The following CFAP46 variants were observed in gnomAD, a reference collection of about 807,000 sequenced individuals.
CFAP46 encodes the protein cilia- and flagella-associated protein 46.
CFAP46 carries 245 observed loss-of-function variants against 325.7 expected under a neutral mutation model. The ratio of observed to expected loss-of-function variants is 0.75; its 90% CI spans 0.68 to 0.84. CFAP46 has a LOEUF of 0.84. CFAP46 is among the 40% of genes least tolerant of loss of function. The pLI is 0.00. For synonymous variants in CFAP46, 1,523 were observed against 1,495.9 expected (o/e 1.02, Z -0.42); for missense variants, 3,346 against 3,543.0 (o/e 0.94, Z 1.41).
intron 49 of CFAP46, among the ~76,000 whole-genome samples, chr10:132,833,769 C>T (rs1444500573): frequency 6.6e-6 from 1 of 152,202 alleles, no homozygotes; most frequent in Non-Finnish European, 1.5e-5. Flanking sequence ...GCTGACAATC[C>T]ACCCACGCGA....
At position 132,937,052 on chromosome 10, in the gene CFAP46, G is replaced by A. The variant is rs951388848; in HGVS notation, c.664C>T (p.Arg222Cys). The change falls in exon 7 of 58, where the codon CGT (arginine) becomes TGT (cysteine). Residue 222 changes from arginine to cysteine, a missense_variant. Coordinates refer to ENST00000368586, the MANE Select transcript of CFAP46 (RefSeq NM_001200049.3). The stretch of plus-strand genomic sequence containing the variant: ...TGAAGTTCGTCCATTAATTCATGAC[G>A]AACCTGTCATAAAATGGAGCAGATT... ...KYRQIFSVMV[R>C]HELMDELQLK... 5.4e-6 allele frequency: 8 copies of A among 1,491,414 alleles called. No individual in the cohort carries two copies. The highest frequency in any genetic ancestry group is 2.7e-5 in the African/African-American group (2 of 72,964). 92.4% of individuals were successfully genotyped at this position (1,491,414 alleles called of 1,614,324 possible).
chr10:132,834,189 C>T (rs1848199721), intron 48 of CFAP46, 66 bp from the exon 49 acceptor site: 4 of 1,431,284 alleles, frequency 2.8e-6, no homozygotes, highest in Non-Finnish European at 3.9e-6. Flanking sequence ...ATATAGGCGA[C>T]ACCTGCTCAG....
intron 9 of CFAP46, among the ~76,000 whole-genome samples, chr10:132,927,807 C>A (rs527593040): frequency 6.6e-6 from 1 of 152,356 alleles, no homozygotes; most frequent in South Asian, 2.1e-4. Flanking sequence ...CTATTCATAT[C>A]CTTAACATTA....
chr10:132,818,415 A>G (rs1452579417), intron 50 of CFAP46, among the ~76,000 whole-genome samples: 1 of 152,146 alleles, frequency 6.6e-6, no homozygotes, highest in African/African-American at 2.4e-5. Flanking sequence ...AAGATTTTAA[A>G]AACCCCGAAC....
rs1848172882 is a variant in CFAP46 at position 132,832,823 on chromosome 10, C to T, written c.7117+535G>A. 3 of 470,926 alleles carry T rather than the reference C, an allele frequency of 6.4e-6. No homozygotes were observed. Among genetic ancestry groups the T allele is most frequent in the Non-Finnish European group, 1.3e-5 (3 of 226,924 alleles). The allele number at this position is 470,926 out of a possible 1,614,324, so 29.2% of individuals were successfully genotyped here. On this transcript the variant is annotated intron_variant, in intron 50 of 57. Transcript: ENST00000368586. This position sits in a 1 kb window ranked among gnomAD's most constrained non-coding sequence, Gnocchi z 4.1. ...ACTGTCTGAGTGATTAACGGAGAGG[C>T]TGGCTGTTTACTACACATCTGGTCC...
chr10:132,822,230 GTGATGTGTGCTGTGTGTGCGC>G (rs1280361304), intron 50 of CFAP46, among the ~76,000 whole-genome samples: 2 of 121,060 alleles, frequency 1.7e-5, no homozygotes, highest in African/African-American at 3.2e-5. Context: ...GCTGTGTGCG[GTGATGTGTGCTGTGTGTGCGC>G]TGATGTGTGC....
At chr10:132,888,848 G>GCCTGCACCTGCCACCTTCACCCCTGCCA (rs1849216344) in intron 25 of CFAP46, among the ~76,000 whole-genome samples, 3 of 82,122 alleles carry the variant, frequency 3.7e-5, no homozygotes, top group Admixed American at 2.4e-4. Context: ...CACCCCTGCC[G>GCCTGCACCTGCCACCTTCACCCCTGCCA]CCTGCACCTG....
At chr10:132,835,498 A>G in intron 46 of CFAP46, 64 bp from the exon 47 acceptor site, 2 of 1,595,844 alleles carry the variant, frequency 1.3e-6, no homozygotes, top group Non-Finnish European at 1.7e-6. Context: ...TGGACCGTGC[A>G]TGGTGAGCAC....
intron 8 of CFAP46, among the ~76,000 whole-genome samples, chr10:132,931,704 GC>G (rs1439935362): frequency 2.2e-4 from 27 of 121,144 alleles, no homozygotes; most frequent in African/African-American, 8.1e-4. Flanking sequence ...CAGAGCCTGG[GC>G]CTCCCTCCTC....
intron 50 of CFAP46, among the ~76,000 whole-genome samples, chr10:132,831,805 C>A (rs1054538559): frequency 6.6e-6 from 1 of 151,846 alleles, no homozygotes; most frequent in Non-Finnish European, 1.5e-5. Context: ...TTCTCTGTTC[C>A]CTTTTTTTCT....
chr10:132,942,206 G>A (rs1273276593), intron 1 of CFAP46, 102 bp from the exon 2 acceptor site: 5 of 1,448,284 alleles, frequency 3.5e-6, no homozygotes, highest in African/African-American at 1.4e-5. Context: ...TTGGGCCCCC[G>A]GGCCACAGCC....
intron 39 of CFAP46, among the ~76,000 whole-genome samples, chr10:132,855,454 G>A (rs923657396): frequency 6.6e-6 from 1 of 151,982 alleles, no homozygotes; most frequent in Non-Finnish European, 1.5e-5. Context: ...CCCATAGTTG[G>A]GTTTTGCTTT....
At chr10:132,936,545 A>T (rs370151031) in intron 7 of CFAP46, among the ~76,000 whole-genome samples, 18 of 39,342 alleles carry the variant, frequency 4.6e-4, no homozygotes, top group East Asian at 1.2e-3. Flanking sequence ...CACTCCCCTC[A>T]GCCCCCAAAT....
chr10:132,927,954 G>T (rs989258567), intron 9 of CFAP46, among the ~76,000 whole-genome samples: 2 of 152,230 alleles, frequency 1.3e-5, no homozygotes, highest in East Asian at 3.8e-4. Context: ...TAACAGGAGG[G>T]CTGGGGCCTG....
intron 55 of CFAP46, among the ~76,000 whole-genome samples, chr10:132,811,690 C>T (rs559975260): frequency 6.6e-6 from 1 of 152,334 alleles, no homozygotes; most frequent in African/African-American, 2.4e-5. Flanking sequence ...GGAGCCCTGG[C>T]GAGGCCTCTT....
rs576790837 is a variant in CFAP46 at position 132,852,778 on chromosome 10, C to T, written c.5575-1473G>A. Among the ~76,000 whole-genome samples, 11 of 152,362 alleles carry T rather than the reference C, an allele frequency of 7.2e-5. No individual in the cohort carries two copies. The South Asian group carries it at 2.3e-3, about 32-fold the overall frequency. On this transcript the variant is annotated intron_variant, in intron 39 of 57. Transcript: ENST00000368586. ...GTTATCTTTTGTAGTTCTCAGAGTA[C>T]AAGTTCTCACATTTTTGGGACAGAT...
chr10:132,877,652 G>A lies in CFAP46; in HGVS notation c.4212+229C>T, dbSNP rs532050065. Among the ~76,000 whole-genome samples, 2 of 152,184 alleles carry A rather than the reference G, an allele frequency of 1.3e-5. No individual in the cohort carries two copies. Among genetic ancestry groups the A allele is most frequent in the South Asian group, 2.1e-4 (1 of 4,818 alleles). On this transcript the variant is annotated intron_variant, in intron 30 of 57. Transcript: ENST00000368586. The surrounding 1 kb of genome is among the most constrained non-coding windows in gnomAD (Gnocchi z 5.7). ...TATTGTCCTCCAAGAACCCTGACAG[G>A]GAGAGAAACTGAGGCACAGAGGCCA...
chr10:132,900,194 C>T (rs1472222708), intron 22 of CFAP46, among the ~76,000 whole-genome samples: 2 of 152,224 alleles, frequency 1.3e-5, no homozygotes, highest in African/African-American at 4.8e-5. Flanking sequence ...GAACCAGCCC[C>T]TCTTTTGGGG....
chr10:132,900,178 TC>T (rs1386608764), intron 22 of CFAP46, among the ~76,000 whole-genome samples: 2 of 152,104 alleles, frequency 1.3e-5, no homozygotes, highest in Non-Finnish European at 2.9e-5. Context: ...CAGCAACAGA[TC>T]CACAGAACCA....
Sources: gnomAD v4.1 joint callset for allele counts (sites outside exome capture counted in the v4.1 genomes callset) on GRCh38, gnomAD v4.1.1 for gene constraint, Gnocchi (gnomAD v3.1) non-coding constraint, MANE v1.5 for transcripts, NCBI Gene and HGNC (gene_info 2026-07-23, HGNC 2026-07-21) for gene names.